Variants in PCDHGA4 observed in about 807,000 individuals in gnomAD.
The protein encoded by PCDHGA4 is protocadherin gamma-A4.
In PCDHGA4, 38 loss-of-function variants were observed where a neutral mutation model predicts 54.6. That is an observed-to-expected ratio of 0.70 (90% CI 0.54 to 0.91). The LOEUF (loss-of-function observed/expected upper bound fraction) is 0.91, where lower values mean the gene tolerates loss of function less well. Ranked by LOEUF, PCDHGA4 falls within the 40% of genes least tolerant of loss-of-function variation. The pLI is 0.00. For missense variants in PCDHGA4, 1,298 were observed against 1,220.9 expected, an observed-to-expected ratio of 1.06 and a Z score of -0.94; for synonymous variants, 511 against 512.9, an observed-to-expected ratio of 1.00 and a Z score of 0.05.
In PCDHGA4 at chr5:141,490,823, A is replaced by T. The variant is rs1340589166; in HGVS notation, c.2515-3984A>T. ...CGTACCTTTGACTATGAATTGCTGC[A>T]GATGCTGCAGATTGTGGTGGGGGTT... On this transcript the variant is annotated intron_variant, in intron 1 of 3. Transcript: ENST00000571252. This position sits in a 1 kb window ranked among gnomAD's most constrained non-coding sequence, Gnocchi z 5.4. 13 of 1,613,928 alleles carry T rather than the reference A, an allele frequency of 8.1e-6. No individual in the cohort carries two copies. Among genetic ancestry groups the T allele is most frequent in the Non-Finnish European group, 9.3e-6 (11 of 1,179,864 alleles).
In PCDHGA4 at chr5:141,433,172, G is replaced by C. The variant is rs147848043; in HGVS notation, c.2515-61635G>C. 533 of 1,610,720 alleles carry C rather than the reference G, an allele frequency of 3.3e-4. 5 individuals carry two copies. In the South Asian group the frequency reaches 5.0e-3, roughly 15 times the overall value. On this transcript the variant is annotated intron_variant, in intron 1 of 3. Transcript: ENST00000571252. ...TTCGGTATTTTCTAAAGACAGTCAT[G>C]GGTTAATTGAGGTGAGTTTATATCA...
At chr5:141,403,227 G>A (rs2094378929) in intron 1 of PCDHGA4, 4 of 1,608,848 alleles carry the variant, frequency 2.5e-6, no homozygotes, top group African/African-American at 1.3e-5. Flanking sequence ...AGGATAGACC[G>A]GGAGGAGCTC....
chr5:141,364,691 G>C (rs373731815), intron 1 of PCDHGA4: 6 of 1,613,878 alleles, frequency 3.7e-6, no homozygotes, highest in Non-Finnish European at 3.4e-6. Context: ...TGGAGTAGAA[G>C]TAGAAATAAT....
At position 141,477,758 on chromosome 5, in the gene PCDHGA4, G is replaced by A; in HGVS notation, c.2515-17049G>A. 2 of 1,613,924 alleles carry A rather than the reference G, an allele frequency of 1.2e-6. No homozygotes were observed. The highest frequency in any genetic ancestry group is 1.7e-5 in the Admixed American group (1 of 60,022). On this transcript the variant is annotated intron_variant, in intron 1 of 3. Transcript: ENST00000571252. The surrounding 1 kb of genome is among the most constrained non-coding windows in gnomAD (Gnocchi z 4.9). ...CAGCGATGGGGGCACCCCGGTCCTA[G>A]CCACCAACATCAGCGTGAACATATT...
rs1217992138 is a variant in PCDHGA4, at chr5:141,357,029, A to G, written c.1922A>G (p.Lys641Arg). 6.2e-7 allele frequency: 1 copy of G among 1,614,042 alleles called. No individual in the cohort carries two copies. Among genetic ancestry groups the G allele is most frequent in the South Asian group, 1.1e-5 (1 of 91,084 alleles). The change falls in exon 1 of 4, where the codon AAG (lysine) becomes AGG (arginine). Residue 641 changes from lysine to arginine, a missense_variant. Coordinates refer to ENST00000571252, the MANE Select transcript of PCDHGA4 (RefSeq NM_018917.4). ...GCCTGGCTGTCCTACAGCCTACTCAAGTCCAGCGAGCCGGGACTATTTGCA... is the reference window on the plus strand; with the variant it reads ...GCCTGGCTGTCCTACAGCCTACTCAGGTCCAGCGAGCCGGGACTATTTGCA... ...QNAWLSYSLL[K>R]SSEPGLFAVG...
chr5:141,425,057 C>T (rs926732426), intron 1 of PCDHGA4, among the ~76,000 whole-genome samples: 4 of 152,026 alleles, frequency 2.6e-5, no homozygotes, highest in African/African-American at 4.8e-5. Flanking sequence ...ATCTAGGGCT[C>T]GGACAAAAAT....
In PCDHGA4 at chr5:141,357,628, C is replaced by G; in HGVS notation, c.2514+7C>G. 1 of 1,613,256 alleles carries G rather than the reference C, an allele frequency of 6.2e-7. No homozygotes were observed. The highest frequency in any genetic ancestry group is 1.7e-4 in the Middle Eastern group (1 of 6,058). On this transcript the variant is annotated splice_region_variant and intron_variant, in intron 1 of 3. Transcript: ENST00000571252. Reference sequence around the variant, plus strand: ...AGGAGACCCTAATCTTCAGGTGAGTCAATCTTATAATAGATCATACCACAC... The same window carrying G: ...AGGAGACCCTAATCTTCAGGTGAGTGAATCTTATAATAGATCATACCACAC...
chr5:141,505,592 A>T, intron 3 of PCDHGA4, 111 bp downstream of exon 3: 2 of 1,567,266 alleles, frequency 1.3e-6, no homozygotes, highest in Admixed American at 3.6e-5. Flanking sequence ...GTTTCTCCAG[A>T]TCTTTCGGCA....
At chr5:141,480,828 TAAGATC>T (rs1054950452) in intron 1 of PCDHGA4, among the ~76,000 whole-genome samples, 22 of 152,260 alleles carry the variant, frequency 1.4e-4, no homozygotes, top group African/African-American at 5.1e-4. Context: ...GGGTGGATCA[TAAGATC>T]AGGAGTTTGA....
intron 1 of PCDHGA4, chr5:141,397,974 C>T: frequency 1.7e-6 from 2 of 1,174,456 alleles, no homozygotes; most frequent in Non-Finnish European, 1.2e-6. Context: ...TCCCCAGCGC[C>T]GGCCTTTACA....
chr5:141,356,746 G>C lies in PCDHGA4; in HGVS notation c.1639G>C (p.Ala547Pro). The C allele has an allele frequency of 6.2e-7, 1 of 1,613,970 alleles. No homozygotes were observed. Among genetic ancestry groups the C allele is most frequent in the Non-Finnish European group, 8.5e-7 (1 of 1,179,872 alleles). ...SINSNTGILY[A>P]LCSFDYEQFR... ...CAACTCCAATACAGGGATCCTATAT[G>C]CTCTTTGCTCCTTCGACTATGAGCA... The change falls in exon 1 of 4, where the codon GCT becomes CCT. Residue 547 changes from alanine to proline, a missense_variant. Transcript: ENST00000571252.
chr5:141,418,111 A>G (rs763834283), intron 1 of PCDHGA4: 19 of 1,613,940 alleles, frequency 1.2e-5, no homozygotes, highest in Non-Finnish European at 1.5e-5. Context: ...GCGGGGACTT[A>G]CTTGTGAAGG....
At chr5:141,383,707 G>A in intron 1 of PCDHGA4, 3 of 1,613,998 alleles carry the variant, frequency 1.9e-6, no homozygotes, top group Non-Finnish European at 2.5e-6. Context: ...TATCGACCTG[G>A]ACGAGGGAGT....
At position 141,477,004 on chromosome 5, in the gene PCDHGA4, C is replaced by T. The variant is rs1390668803; in HGVS notation, c.2515-17803C>T. On this transcript the variant is annotated intron_variant, in intron 1 of 3. Coordinates refer to ENST00000571252, the MANE Select transcript of PCDHGA4 (RefSeq NM_018917.4). The surrounding 1 kb of genome is among the most constrained non-coding windows in gnomAD (Gnocchi z 4.9). ...GCGCCGGCGTGCGGCAACTATTCGC[C>T]TTAGACCTTGTAACCGGGATGCTGA... is the stretch of plus-strand genomic sequence containing the variant. 3 of 1,614,236 alleles carry T rather than the reference C, an allele frequency of 1.9e-6. No homozygotes were observed. The highest frequency in any genetic ancestry group is 2.5e-6 in the Non-Finnish European group (3 of 1,180,042).
At chr5:141,434,431 T>C (rs931458644) in intron 1 of PCDHGA4, among the ~76,000 whole-genome samples, 2 of 152,186 alleles carry the variant, frequency 1.3e-5, no homozygotes, top group African/African-American at 2.4e-5. Context: ...ATGATGGCCG[T>C]AATGCCCATG....
chr5:141,377,241 ATTTGTAAGGTTCTTTCTTT>A (rs1413175738), intron 1 of PCDHGA4: 3 of 151,708 alleles, frequency 2.0e-5, no homozygotes, highest in Non-Finnish European at 4.4e-5. Context: ...ACTATGTGAC[ATTTGTAAGGTTCTTTCTTT>A]TTCTAATGTG....
Position 141,490,254 on chromosome 5 carries a change from G to A in PCDHGA4, c.2515-4553G>A. The A allele has an allele frequency of 6.2e-7, 1 of 1,614,236 alleles. No homozygotes were observed. Among genetic ancestry groups the A allele is most frequent in the Non-Finnish European group, 8.5e-7 (1 of 1,180,038 alleles). ...TGGAGGGCCACTGTGTGATTCAAGT[G>A]GATGTGGGGGATGTCAATGACAATG... On this transcript the variant is annotated intron_variant, in intron 1 of 3. Coordinates refer to ENST00000571252, the MANE Select transcript of PCDHGA4 (RefSeq NM_018917.4). The surrounding 1 kb of genome is among the most constrained non-coding windows in gnomAD (Gnocchi z 5.4).
intron 1 of PCDHGA4, chr5:141,389,909 C>A: frequency 6.2e-7 from 1 of 1,614,068 alleles, no homozygotes; most frequent in Non-Finnish European, 8.5e-7. Flanking sequence ...ATATCACTGA[C>A]CGCCCCGACC....
At chr5:141,416,711 C>G (rs962144454) in intron 1 of PCDHGA4, 1 of 152,152 alleles carries the variant, frequency 6.6e-6, no homozygotes, top group South Asian at 2.1e-4. Context: ...ATTGGAGGTA[C>G]TGATGAGTTC....
Sources: allele counts gnomAD v4.1 joint callset (sites outside exome capture counted in the v4.1 genomes callset), GRCh38; gene constraint gnomAD v4.1.1; non-coding constraint Gnocchi (gnomAD v3.1); transcripts MANE v1.5; gene names NCBI Gene and HGNC (gene_info 2026-07-23, HGNC 2026-07-21).